Variants in WWC2 observed in about 807,000 individuals in gnomAD.
WWC2 encodes protein WWC2.
A neutral mutation model predicts 138.5 loss-of-function variants in WWC2; 101 were observed. The ratio of observed to expected loss-of-function variants is 0.73; its 90% CI spans 0.62 to 0.86. WWC2 has a LOEUF of 0.86. Ranked by LOEUF, WWC2 falls within the 40% of genes least tolerant of loss-of-function variation. The pLI, the probability that WWC2 is intolerant of heterozygous loss-of-function variation, is 0.00. For synonymous variants in WWC2, 558 were observed against 538.4 expected (o/e 1.04, Z -0.50); for missense variants, 1,420 against 1,419.4 (o/e 1.00, Z -0.01).
At chr4:183,239,451 A>C (rs1156946748) in intron 4 of WWC2, among the ~76,000 whole-genome samples, 1 of 152,184 alleles carries the variant, frequency 6.6e-6, no homozygotes, top group Non-Finnish European at 1.5e-5. Flanking sequence ...GATCTGTCCA[A>C]TTTTAGAATT....
intron 1 of WWC2, among the ~76,000 whole-genome samples, chr4:183,154,629 A>G (rs1251357564): frequency 6.6e-6 from 1 of 152,162 alleles, no homozygotes; most frequent in Admixed American, 6.5e-5. Flanking sequence ...CATTTCACAA[A>G]TTTGGATTTA....
At chr4:183,270,504 C>G (rs1450598192) in intron 15 of WWC2, among the ~76,000 whole-genome samples, 1 of 152,102 alleles carries the variant, frequency 6.6e-6, no homozygotes, top group Non-Finnish European at 1.5e-5. Flanking sequence ...TGGGTCATGC[C>G]TGTAATCCTA....
Position 183,282,755 on chromosome 4 carries a change from A to C in WWC2, c.2732A>C (p.Glu911Ala). The stretch of plus-strand genomic sequence containing the variant: ...TCTGATGAAATTGTGGCTGAAAAAG[A>C]GGCTGAAGTTAAATTGCCAGAGGAC... ...EASDEIVAEK[E>A]AEVKLPEDSS... The change falls in exon 18 of 23, where the codon GAG becomes GCG. Residue 911 changes from glutamate (E) to alanine (A), a missense_variant. Coordinates refer to ENST00000403733, the MANE Select transcript of WWC2 (RefSeq NM_024949.6). The C allele has an allele frequency of 6.3e-7, 1 of 1,579,436 alleles. No homozygotes were observed. Among genetic ancestry groups the C allele is most frequent in the Non-Finnish European group, 8.6e-7 (1 of 1,161,888 alleles).
intron 21 of WWC2, among the ~76,000 whole-genome samples, chr4:183,305,066 G>T (rs1325968982): frequency 6.6e-6 from 1 of 152,032 alleles, no homozygotes; most frequent in African/African-American, 2.4e-5. Context: ...TTCTAAGCAA[G>T]AATCAAAAAG....
At chr4:183,208,201 T>C in intron 3 of WWC2, 45 bp downstream of exon 3, 4 of 1,595,038 alleles carry the variant, frequency 2.5e-6, no homozygotes, top group Non-Finnish European at 2.6e-6. Context: ...GGAGACTGAA[T>C]TGTAGATAAC....
At chr4:183,281,125 G>A (rs777084129) in intron 17 of WWC2, 71 of 538,180 alleles carry the variant, frequency 1.3e-4, no homozygotes, top group Non-Finnish European at 1.9e-4. Flanking sequence ...TTCTTGTTTC[G>A]AGTAATTTTA....
chr4:183,133,280 A>G (rs1043068384), intron 1 of WWC2, among the ~76,000 whole-genome samples: 10 of 149,020 alleles, frequency 6.7e-5, no homozygotes, highest in Non-Finnish European at 1.3e-4. Flanking sequence ...TCTGCCTCCC[A>G]AGAGGCTGGG....
At chr4:183,110,508 G>A (rs72691671) in intron 1 of WWC2, among the ~76,000 whole-genome samples, 5,501 of 148,466 alleles carry the variant, frequency 0.037, 130 homozygotes, top group Non-Finnish European at 0.05. Flanking sequence ...ACAAATCATG[G>A]TTCCAAAATG....
intron 1 of WWC2, among the ~76,000 whole-genome samples, chr4:183,109,888 GTTAC>G: frequency 6.6e-6 from 1 of 152,142 alleles, no homozygotes; most frequent in East Asian, 1.9e-4. Context: ...AATGCAGCAT[GTTAC>G]TTAGTTTCCC....
rs78858482 is a variant in WWC2, at chr4:183,217,539, T to C, written c.522+8514T>C. 1.0e-3 allele frequency among the ~76,000 whole-genome samples: 154 copies of C among 151,792 alleles called. 1 individual carries two copies. In the East Asian group the frequency reaches 0.018, roughly 18 times the overall value. ...AACATGTTAAAACATGTTATACATA[T>C]GCTCAAGAATGTAAAGGAAAATGTG... On this transcript the variant is annotated intron_variant, in intron 4 of 22. Coordinates refer to ENST00000403733, the MANE Select transcript of WWC2 (RefSeq NM_024949.6).
At chr4:183,114,719 G>A (rs1732357375) in intron 1 of WWC2, among the ~76,000 whole-genome samples, 1 of 151,958 alleles carries the variant, frequency 6.6e-6, no homozygotes, top group East Asian at 1.9e-4. Context: ...TACACACGTG[G>A]ATTTGTTAAT....
chr4:183,282,405 T>G (rs2111058946), intron 17 of WWC2, among the ~76,000 whole-genome samples: 1 of 152,358 alleles, frequency 6.6e-6, no homozygotes, highest in South Asian at 2.1e-4. Context: ...TATTTTTAAA[T>G]GCTAACATTA....
At position 183,226,095 on chromosome 4, in the gene WWC2, CTTTTTTTTTT is replaced by C. The variant is rs11321151; in HGVS notation, c.523-14078_523-14069del. On this transcript the variant is annotated intron_variant, in intron 4 of 22. Coordinates refer to ENST00000403733, the MANE Select transcript of WWC2 (RefSeq NM_024949.6). ...TGAAACTTTTCTTTTCTTTTCTTTTCTTTTTTTTTTTTTTTTTTTGATACAGGGTCTCGGC... is the reference window on the plus strand; with the variant it reads ...TGAAACTTTTCTTTTCTTTTCTTTTCTTTTTTTTTGATACAGGGTCTCGGC... Among the ~76,000 whole-genome samples the C allele has an allele frequency of 1.2e-3, 135 of 113,502 alleles. 1 individual carries two copies. The highest frequency in any genetic ancestry group is 3.7e-3 in the African/African-American group (79 of 21,394). The allele number at this position is 113,502 out of a possible 152,430, so 74.5% of individuals were successfully genotyped here.
intron 9 of WWC2, among the ~76,000 whole-genome samples, chr4:183,256,495 G>T (rs1326233246): frequency 6.6e-6 from 1 of 152,136 alleles, no homozygotes; most frequent in Admixed American, 6.5e-5. Context: ...TCCTGTGTGT[G>T]TGGGTTTCTG....
chr4:183,186,249 T>A (rs1373564185), intron 1 of WWC2, among the ~76,000 whole-genome samples: 2 of 152,196 alleles, frequency 1.3e-5, no homozygotes, highest in African/African-American at 4.8e-5. Context: ...TGGCCTAACA[T>A]AGAATATTGT....
At position 183,259,736 on chromosome 4, in the gene WWC2, T is replaced by C. The variant is rs774789229; in HGVS notation, c.1286+8T>C. The C allele has an allele frequency of 6.5e-7, 1 of 1,528,914 alleles. No individual in the cohort carries two copies. Among genetic ancestry groups the C allele is most frequent in the Non-Finnish European group, 8.8e-7 (1 of 1,133,304 alleles). The allele number at this position is 1,528,914 out of a possible 1,614,324, so 94.7% of individuals were successfully genotyped here. A position where few individuals can be genotyped will look rare whatever the true frequency, so the allele number is the denominator to read the frequency against. On this transcript the variant is annotated splice_region_variant and intron_variant, in intron 10 of 22. Coordinates refer to ENST00000403733, the MANE Select transcript of WWC2 (RefSeq NM_024949.6). The stretch of plus-strand genomic sequence containing the variant: ...GCATTCACAACTTAAAAGGTGAGCT[T>C]ATCAGATTTTTGAGGGGAAAGCTTT...
intron 4 of WWC2, among the ~76,000 whole-genome samples, chr4:183,231,558 C>T (rs1361964480): frequency 6.6e-6 from 1 of 152,114 alleles, no homozygotes; most frequent in Non-Finnish European, 1.5e-5. Flanking sequence ...GCGTGAGTCA[C>T]CATGCCCGTC....
At chr4:183,302,356 A>G (rs1738872956) in intron 21 of WWC2, among the ~76,000 whole-genome samples, 1 of 152,142 alleles carries the variant, frequency 6.6e-6, no homozygotes, top group Admixed American at 6.5e-5. Flanking sequence ...TGCCAGCACC[A>G]GTCTTATTTC....
In WWC2 at chr4:183,103,673, G is replaced by C. The variant is rs1019502226; in HGVS notation, c.131+4051G>C. 2.5e-4 allele frequency among the ~76,000 whole-genome samples: 34 copies of C among 137,856 alleles called. 1 individual carries two copies. The highest frequency in any genetic ancestry group is 6.3e-4 in the Admixed American group (8 of 12,758). The allele number at this position is 137,856 out of a possible 152,430, so 90.4% of individuals were successfully genotyped here. A position where few individuals can be genotyped will look rare whatever the true frequency, so the allele number is the denominator to read the frequency against. On this transcript the variant is annotated intron_variant, in intron 1 of 22. Transcript: ENST00000403733. ...TTTTTTTTTGAGACGGAGTCTTGCT[G>C]TGTCGCCAGACTGGAGTGCAGTGGT...
Sources: gnomAD v4.1 joint callset for allele counts (sites outside exome capture counted in the v4.1 genomes callset) on GRCh38, gnomAD v4.1.1 for gene constraint, MANE v1.5 for transcripts, NCBI Gene and HGNC (gene_info 2026-07-23, HGNC 2026-07-21) for gene names.